The following ATP7B variants were observed in gnomAD, a reference collection of about 807,000 sequenced individuals.
ATP7B encodes ATPase copper transporting beta.
A neutral mutation model predicts 118.9 loss-of-function variants in ATP7B; 113 were observed. The observed-to-expected ratio is 0.95, with a 90% CI of 0.82 to 1.11. The LOEUF (loss-of-function observed/expected upper bound fraction) is 1.11, where lower values mean the gene tolerates loss of function less well. Among genes scored for constraint, ATP7B ranks in the 50% most tolerant of loss-of-function variants. The probability of loss-of-function intolerance (pLI) is 0.00; values close to 1 mark genes in which losing one functional copy is unlikely to be tolerated. For missense variants in ATP7B, 1,867 were observed against 1,871.4 expected (o/e 1.00, Z 0.04); for synonymous variants, 777 against 727.4 (o/e 1.07, Z -1.10).
intron 1 of ATP7B, among the ~76,000 whole-genome samples, chr13:51,991,626 A>T (rs1952918831): frequency 6.6e-6 from 1 of 152,204 alleles, no homozygotes; most frequent in Admixed American, 6.5e-5. Flanking sequence ...ACAACTTTCT[A>T]GTAACCTCCA....
chr13:51,961,096 G>A (rs909895006), intron 6 of ATP7B, among the ~76,000 whole-genome samples: 1 of 151,832 alleles, frequency 6.6e-6, no homozygotes, highest in Admixed American at 6.6e-5. Context: ...AAGGGTAGCC[G>A]CCACCAATTC....
chr13:51,953,214 T>C (rs894982818), intron 9 of ATP7B, among the ~76,000 whole-genome samples: 9 of 152,188 alleles, frequency 5.9e-5, no homozygotes, highest in Admixed American at 1.3e-4. Context: ...AGGCTGAACA[T>C]TGCCCTTGAG....
intron 16 of ATP7B, 140 bp downstream of exon 16, chr13:51,940,941 T>C (rs1840855038): frequency 6.9e-6 from 9 of 1,301,162 alleles, no homozygotes; most frequent in Admixed American, 5.9e-5. Flanking sequence ...AAAGACAATC[T>C]TCTGGAAAAC....
intron 20 of ATP7B, 41 bp downstream of exon 20, chr13:51,935,552 C>T (rs373019554): frequency 6.3e-7 from 1 of 1,581,596 alleles, no homozygotes. Flanking sequence ...GACAAGGCCT[C>T]CTGGGAGCCT....
At chr13:51,995,942 A>G (rs1360307326) in intron 1 of ATP7B, among the ~76,000 whole-genome samples, 1 of 152,216 alleles carries the variant, frequency 6.6e-6, no homozygotes, top group Admixed American at 6.5e-5. Flanking sequence ...AGAGTGCAGC[A>G]GTTTCCTTTT....
chr13:51,975,907 T>C (rs142090209), intron 1 of ATP7B, among the ~76,000 whole-genome samples: 27 of 152,326 alleles, frequency 1.8e-4, no homozygotes, highest in Middle Eastern at 3.4e-3. Flanking sequence ...AGGAATTTCA[T>C]AGTTCTGCCT....
intron 4 of ATP7B, among the ~76,000 whole-genome samples, chr13:51,967,630 C>T (rs978822118): frequency 6.6e-5 from 10 of 152,358 alleles, no homozygotes; most frequent in Admixed American, 5.9e-4. Context: ...TTATCAGGAG[C>T]TCATGGGCCT....
chr13:51,946,137 T>C, intron 13 of ATP7B, 147 bp downstream of exon 13: 1 of 1,105,578 alleles, frequency 9.0e-7, no homozygotes, highest in East Asian at 2.6e-5. Context: ...GTTGCTACTG[T>C]TGTTATTCCC....
chr13:51,982,339 C>A (rs1166458626), intron 1 of ATP7B, among the ~76,000 whole-genome samples: 11 of 152,072 alleles, frequency 7.2e-5, no homozygotes, highest in Admixed American at 7.2e-4. Flanking sequence ...AGTATGAATT[C>A]CAGCATTATC....
In ATP7B at chr13:51,974,331, C is replaced by T. The variant is rs369823735; in HGVS notation, c.889G>A (p.Ala297Thr). ...CAAGAAGGGTCATACTTTACTTGGG[C>T]AGTTTTGTTCTCCAAGGACACTTGA... ...SIQVSLENKT[A>T]QVKYDPSCTS... Residue 297 changes from alanine to threonine, a missense_variant, in exon 2 of 21, where the codon GCC becomes ACC. Coordinates refer to ENST00000242839, the MANE Select transcript of ATP7B (RefSeq NM_000053.4). 4.3e-6 allele frequency: 7 copies of T among 1,614,076 alleles called. No homozygotes were observed. Among genetic ancestry groups the T allele is most frequent in the Middle Eastern group, 3.3e-4 (2 of 6,062 alleles).
At chr13:51,958,902 C>T (rs944601038) in intron 7 of ATP7B, 1 of 322,652 alleles carries the variant, frequency 3.1e-6, no homozygotes, top group African/African-American at 2.1e-5. Flanking sequence ...AACCCACTGG[C>T]ATAAAAGATG....
chr13:51,935,785 GC>G, intron 19 of ATP7B, 90 bp from the exon 20 acceptor site: 1 of 1,200,586 alleles, frequency 8.3e-7, no homozygotes, highest in Non-Finnish European at 1.2e-6. Flanking sequence ...ACCCTCAGCG[GC>G]CCCCAGTGAG....
intron 12 of ATP7B, 102 bp from the exon 13 acceptor site, chr13:51,946,580 T>A (rs990552163): frequency 7.3e-7 from 1 of 1,376,490 alleles, no homozygotes; most frequent in Non-Finnish European, 1.0e-6. Flanking sequence ...GGACACAACG[T>A]GACGAACTTG....
At chr13:51,970,966 G>A (rs1951814185) in intron 2 of ATP7B, among the ~76,000 whole-genome samples, 1 of 151,714 alleles carries the variant, frequency 6.6e-6, no homozygotes, top group Non-Finnish European at 1.5e-5. Flanking sequence ...TTGCCTATTT[G>A]GATTTCCAGC....
At chr13:51,956,631 C>G (rs117055453) in intron 9 of ATP7B, among the ~76,000 whole-genome samples, 96 of 152,272 alleles carry the variant, frequency 6.3e-4, no homozygotes, top group Non-Finnish European at 9.8e-4. Flanking sequence ...GGGTTTCCAT[C>G]TGAACACTTC....
At chr13:51,975,519 C>T (rs372310059) in intron 1 of ATP7B, 476 of 528,164 alleles carry the variant, frequency 9.0e-4, no homozygotes, top group African/African-American at 1.8e-3. Context: ...CAGCGGCTCA[C>T]GGTGGGAAGG....
intron 1 of ATP7B, among the ~76,000 whole-genome samples, chr13:51,979,146 G>A (rs1197335837): frequency 6.6e-6 from 1 of 152,178 alleles, no homozygotes; most frequent in Non-Finnish European, 1.5e-5. Context: ...ACCTCTGCTT[G>A]CATCACACTT....
intron 12 of ATP7B, among the ~76,000 whole-genome samples, 171 bp downstream of exon 12, chr13:51,949,491 A>T (rs1291938066): frequency 6.6e-6 from 1 of 152,184 alleles, no homozygotes; most frequent in Non-Finnish European, 1.5e-5. Context: ...GCAGAAGGAG[A>T]GTGACTGTTT....
chr13:52,008,869 C>A (rs574086045), intron 1 of ATP7B, among the ~76,000 whole-genome samples: 1 of 129,690 alleles, frequency 7.7e-6, no homozygotes, highest in East Asian at 2.4e-4. Context: ...CCTTATTCTG[C>A]TTTCTTTTCT....
Sources: gnomAD v4.1 joint callset for allele counts (sites outside exome capture counted in the v4.1 genomes callset) on GRCh38, gnomAD v4.1.1 for gene constraint, MANE v1.5 for transcripts, NCBI Gene and HGNC (gene_info 2026-07-23, HGNC 2026-07-21) for gene names.